PTPRT: variants seen among roughly 807,000 people sequenced by gnomAD.
PTPRT encodes the protein protein tyrosine phosphatase receptor type T, also known as receptor-type tyrosine-protein phosphatase T.
In PTPRT, 56 loss-of-function variants were observed where a neutral mutation model predicts 176.8. The ratio of observed to expected loss-of-function variants is 0.32; its 90% CI spans 0.26 to 0.40. The LOEUF is 0.40. Among genes scored for constraint, PTPRT ranks in the 10% least tolerant of loss-of-function variants. The probability of loss-of-function intolerance (pLI) is 1.00; values close to 1 mark genes in which losing one functional copy is unlikely to be tolerated. For synonymous variants in PTPRT, 783 were observed against 739.0 expected (o/e 1.06, Z -0.96); for missense variants, 1,540 against 1,908.2 (o/e 0.81, Z 3.60).
chr20:43,135,519 A>C (rs2013803392), intron 1 of PTPRT, among the ~76,000 whole-genome samples: 1 of 152,164 alleles, frequency 6.6e-6, no homozygotes, highest in Non-Finnish European at 1.5e-5. Flanking sequence ...GTGGGTAATA[A>C]TTTTCCTCTT....
At chr20:42,579,163 G>T (rs945018116) in intron 7 of PTPRT, among the ~76,000 whole-genome samples, 1 of 149,536 alleles carries the variant, frequency 6.7e-6, no homozygotes, top group Non-Finnish European at 1.5e-5. Context: ...GCGGTGTTTG[G>T]TTTTTTGTCC....
chr20:43,104,795 A>G (rs1216767598), intron 1 of PTPRT, among the ~76,000 whole-genome samples: 1 of 152,214 alleles, frequency 6.6e-6, no homozygotes, highest in African/African-American at 2.4e-5. Flanking sequence ...TCCCTCATCT[A>G]TAAAATGTGG....
intron 7 of PTPRT, among the ~76,000 whole-genome samples, chr20:42,663,656 C>G (rs1418510670): frequency 2.0e-5 from 3 of 152,070 alleles, no homozygotes; most frequent in African/African-American, 7.2e-5. Flanking sequence ...GTAAACTGGC[C>G]CCAGCTGATA....
intron 8 of PTPRT, among the ~76,000 whole-genome samples, chr20:42,450,279 T>C (rs1456458277): frequency 6.6e-5 from 10 of 152,250 alleles, no homozygotes; most frequent in Non-Finnish European, 1.3e-4. Context: ...GTAAATGAAC[T>C]ATTTTATTTT....
At chr20:42,109,668 C>G (rs963904180) in intron 23 of PTPRT, among the ~76,000 whole-genome samples, 2 of 152,302 alleles carry the variant, frequency 1.3e-5, no homozygotes, top group African/African-American at 4.8e-5. Context: ...GAAATATCCC[C>G]ACTCTGTGTT....
At chr20:42,829,080 C>T (rs1366223636) in intron 2 of PTPRT, among the ~76,000 whole-genome samples, 1 of 152,178 alleles carries the variant, frequency 6.6e-6, no homozygotes, top group Non-Finnish European at 1.5e-5. Context: ...CTATACCATG[C>T]AAAGCCATAG....
At chr20:43,118,435 T>C (rs1381824700) in intron 1 of PTPRT, among the ~76,000 whole-genome samples, 1 of 152,026 alleles carries the variant, frequency 6.6e-6, no homozygotes, top group Non-Finnish European at 1.5e-5. Context: ...AATAGGAAAA[T>C]ATATTCCCAT....
intron 7 of PTPRT, among the ~76,000 whole-genome samples, chr20:42,602,527 C>T (rs1405723505): frequency 2.0e-5 from 3 of 152,148 alleles, no homozygotes; most frequent in Admixed American, 6.5e-5. Flanking sequence ...GAGGGAAATG[C>T]TGTCAATATC....
intron 1 of PTPRT, among the ~76,000 whole-genome samples, chr20:43,083,627 G>A (rs377320121): frequency 6.6e-6 from 1 of 151,744 alleles, no homozygotes; most frequent in African/African-American, 2.4e-5. Context: ...CCAAAGTGAT[G>A]AGATTACAGG....
At chr20:42,344,309 C>T (rs13045247) in intron 11 of PTPRT, among the ~76,000 whole-genome samples, 16,534 of 152,248 alleles carry the variant, frequency 0.11, 984 homozygotes, top group Non-Finnish European at 0.14. Context: ...AAGCAACTTA[C>T]GGTTCAGAGA....
chr20:42,212,187 A>G (rs13045681), intron 15 of PTPRT, among the ~76,000 whole-genome samples: 18 of 146,850 alleles, frequency 1.2e-4, no homozygotes, highest in African/African-American at 3.8e-4. Context: ...TGGGAGATAT[A>G]CCTAATGCTA....
intron 1 of PTPRT, among the ~76,000 whole-genome samples, chr20:42,985,993 G>A (rs1282212878): frequency 6.6e-6 from 1 of 152,222 alleles, no homozygotes. Context: ...CAAAAGGCAA[G>A]ACAACAGGGA....
chr20:43,072,137 G>T (rs1452862210), intron 1 of PTPRT, among the ~76,000 whole-genome samples: 1 of 152,180 alleles, frequency 6.6e-6, no homozygotes, highest in African/African-American at 2.4e-5. Flanking sequence ...CCTGTCTCTT[G>T]AAAGTGGCCA....
chr20:42,868,903 G>A (rs1392476869), intron 2 of PTPRT, among the ~76,000 whole-genome samples: 3 of 152,130 alleles, frequency 2.0e-5, no homozygotes, highest in Admixed American at 2.0e-4. Flanking sequence ...ACTGAATTCT[G>A]GTGTAGTGCT....
intron 15 of PTPRT, among the ~76,000 whole-genome samples, chr20:42,233,434 A>C (rs949310582): frequency 1.3e-5 from 2 of 152,084 alleles, no homozygotes; most frequent in African/African-American, 4.8e-5. Flanking sequence ...TCTCAGAGCA[A>C]TTTCTTTCCC....
chr20:42,155,736 A>G (rs565472428), intron 17 of PTPRT, among the ~76,000 whole-genome samples: 1 of 152,286 alleles, frequency 6.6e-6, no homozygotes, highest in South Asian at 2.1e-4. Context: ...ATGGCTCTAC[A>G]TGCAGAAAAA....
Position 42,534,121 on chromosome 20 carries a change from T to G in PTPRT, c.1154-61559A>C, listed in dbSNP as rs149507206. On this transcript the variant is annotated intron_variant, in intron 7 of 30. Transcript: ENST00000373187. ...AAAGATGAGCAGACAGGTGTCTGCA[T>G]TTTCTTCCTGTAGACCAGTGAGGGT... Among the ~76,000 whole-genome samples, 695 of 152,254 alleles carry G rather than the reference T, an allele frequency of 4.6e-3. 4 individuals are homozygous for G. Among genetic ancestry groups the G allele is most frequent in the African/African-American group, 0.016 (663 of 41,558 alleles).
rs1192716904 is a variant in PTPRT at position 42,816,844 on chromosome 20, C to T, written c.215-25378G>A. Among the ~76,000 whole-genome samples the T allele has an allele frequency of 4.6e-5, 7 of 152,180 alleles. No individual in the cohort carries two copies. In the South Asian group the frequency reaches 1.4e-3, roughly 31 times the overall value. ...ACAGCAGTGTGAAAATGAGCTAATA[C>T]ACTAACCAATCATGAAAGGCAAGAA... On this transcript the variant is annotated intron_variant, in intron 2 of 30. Transcript: ENST00000373187.
chr20:42,554,542 AG>A (rs765735340), intron 7 of PTPRT, among the ~76,000 whole-genome samples: 4 of 152,170 alleles, frequency 2.6e-5, no homozygotes, highest in Non-Finnish European at 5.9e-5. Flanking sequence ...GTGGGTACTC[AG>A]GAAATATGCT....
Sources: gnomAD v4.1 joint callset for allele counts (sites outside exome capture counted in the v4.1 genomes callset) on GRCh38, gnomAD v4.1.1 for gene constraint, MANE v1.5 for transcripts, NCBI Gene and HGNC (gene_info 2026-07-23, HGNC 2026-07-21) for gene names.